Variants in PTPRM observed in about 807,000 individuals in gnomAD.
The protein encoded by PTPRM is receptor-type tyrosine-protein phosphatase mu.
Under a neutral mutation model 186.7 loss-of-function variants are expected in PTPRM, and 47 were observed. The observed-to-expected ratio is 0.25, with a 90% CI of 0.20 to 0.32. The LOEUF is 0.32. PTPRM is among the 10% of genes least tolerant of loss of function. The probability of loss-of-function intolerance (pLI) is 1.00; values close to 1 mark genes in which losing one functional copy is unlikely to be tolerated. For missense variants in PTPRM, 1,494 were observed against 1,865.0 expected (o/e 0.80, Z 3.66); for synonymous variants, 668 against 674.9 (o/e 0.99, Z 0.16).
intron 14 of PTPRM, among the ~76,000 whole-genome samples, chr18:8,238,649 G>GTGTGTGTTTTTTTTTTT (rs1568577854): frequency 1.4e-5 from 1 of 73,650 alleles, no homozygotes; most frequent in African/African-American, 4.2e-5. Context: ...ACTGTTTTGT[G>GTGTGTGTTTTTTTTTTT]TGTTTTTTTT....
chr18:7,914,480 A>G (rs1323468755), intron 4 of PTPRM, among the ~76,000 whole-genome samples: 1 of 152,112 alleles, frequency 6.6e-6, no homozygotes, highest in Non-Finnish European at 1.5e-5. Context: ...CTTTTTTTGG[A>G]CCTATAATCT....
chr18:8,226,162 A>G (rs564797357), intron 14 of PTPRM, among the ~76,000 whole-genome samples: 11 of 152,170 alleles, frequency 7.2e-5, no homozygotes, highest in African/African-American at 2.2e-4. Context: ...AAAAAAATGC[A>G]TCACTCCGTT....
In PTPRM at chr18:7,668,922, C is replaced by T. The variant is rs1178166302; in HGVS notation, c.73+101031C>T. ...CTCTGCTTGAACAGGGGATCTTTGT[C>T]TCTTTTCCTCAATGACATGTGTCAG... On this transcript the variant is annotated intron_variant, in intron 1 of 32. Coordinates refer to ENST00000580170, the MANE Select transcript of PTPRM (RefSeq NM_001105244.2). The surrounding 1 kb of genome is among the most constrained non-coding windows in gnomAD (Gnocchi z 4.7). 6.6e-6 allele frequency among the ~76,000 whole-genome samples: 1 copy of T among 151,920 alleles called. No individual in the cohort carries two copies. Among genetic ancestry groups the T allele is most frequent in the East Asian group, 1.9e-4 (1 of 5,138 alleles).
chr18:7,947,160 G>T (rs978265205), intron 5 of PTPRM, among the ~76,000 whole-genome samples: 4 of 152,182 alleles, frequency 2.6e-5, no homozygotes, highest in South Asian at 2.1e-4. Context: ...TTTGATAGCC[G>T]CTCTGCCTTT....
At chr18:7,906,449 C>A in intron 3 of PTPRM, 56 bp from the exon 4 acceptor site, 1 of 1,364,274 alleles carries the variant, frequency 7.3e-7, no homozygotes, top group Non-Finnish European at 1.0e-6. Context: ...ATAGGAGATA[C>A]TTGGTAAAAG....
Position 7,739,939 on chromosome 18 carries a change from C to T in PTPRM, c.74-34210C>T, listed in dbSNP as rs1012985776. 3.3e-5 allele frequency among the ~76,000 whole-genome samples: 5 copies of T among 152,172 alleles called. 1 individual carries two copies. Among genetic ancestry groups the T allele is most frequent in the Non-Finnish European group, 4.4e-5 (3 of 68,030 alleles). On this transcript the variant is annotated intron_variant, in intron 1 of 32. Coordinates refer to ENST00000580170, the MANE Select transcript of PTPRM (RefSeq NM_001105244.2). ...GTCCTGTATTGACGTGAAAAAATGT[C>T]TTTTGTCTCTACTTAAACTCCAAGG...
At chr18:8,050,120 C>T (rs543161226) in intron 7 of PTPRM, among the ~76,000 whole-genome samples, 1 of 152,312 alleles carries the variant, frequency 6.6e-6, no homozygotes, top group African/African-American at 2.4e-5. Flanking sequence ...TAAAAGGTGG[C>T]TGCCACTGTA....
At chr18:8,175,621 T>A (rs971216632) in intron 14 of PTPRM, among the ~76,000 whole-genome samples, 6 of 152,212 alleles carry the variant, frequency 3.9e-5, no homozygotes, top group Non-Finnish European at 8.8e-5. Context: ...TTTAAAGGCT[T>A]CACCTATGAA....
intron 1 of PTPRM, among the ~76,000 whole-genome samples, chr18:7,731,631 T>C (rs2040661188): frequency 6.6e-6 from 1 of 152,210 alleles, no homozygotes; most frequent in Non-Finnish European, 1.5e-5. Context: ...ATAGCTTTTC[T>C]TTGATCCTAC....
At chr18:8,203,736 G>A (rs1352379532) in intron 14 of PTPRM, among the ~76,000 whole-genome samples, 1 of 152,198 alleles carries the variant, frequency 6.6e-6, no homozygotes, top group Admixed American at 6.5e-5. Flanking sequence ...TCTATAGTGT[G>A]TGTGTGAGAA....
At chr18:8,199,963 G>C (rs1373617704) in intron 14 of PTPRM, among the ~76,000 whole-genome samples, 1 of 152,056 alleles carries the variant, frequency 6.6e-6, no homozygotes, top group African/African-American at 2.4e-5. Context: ...AAATCTTGTT[G>C]TTAAATAATA....
intron 1 of PTPRM, among the ~76,000 whole-genome samples, chr18:7,667,712 A>G (rs1479442441): frequency 1.3e-5 from 2 of 152,220 alleles, no homozygotes; most frequent in African/African-American, 4.8e-5. Context: ...TAAACTATCC[A>G]TAGGCTGATA....
At chr18:8,117,685 A>G (rs1288669457) in intron 13 of PTPRM, among the ~76,000 whole-genome samples, 4 of 152,110 alleles carry the variant, frequency 2.6e-5, no homozygotes, top group Non-Finnish European at 5.9e-5. Flanking sequence ...TTATGCACCT[A>G]GATGAATTTC....
chr18:8,377,131 G>A (rs1481744311), intron 26 of PTPRM: 1 of 152,444 alleles, frequency 6.6e-6, no homozygotes, highest in East Asian at 1.9e-4. Flanking sequence ...GGTATATCGG[G>A]AATTTCCATT....
chr18:8,329,288 A>G (rs2095397730), intron 22 of PTPRM, among the ~76,000 whole-genome samples: 2 of 152,262 alleles, frequency 1.3e-5, no homozygotes, highest in Non-Finnish European at 2.9e-5. Flanking sequence ...AAGCAGAACT[A>G]TATTTAAGTG....
intron 13 of PTPRM, among the ~76,000 whole-genome samples, chr18:8,130,557 G>A (rs1600729711): frequency 1.3e-5 from 2 of 152,192 alleles, no homozygotes; most frequent in Admixed American, 1.3e-4. Context: ...GCTTGCAGTG[G>A]GCCACCTAAG....
At chr18:8,005,758 G>T (rs1474633286) in intron 7 of PTPRM, among the ~76,000 whole-genome samples, 1 of 151,942 alleles carries the variant, frequency 6.6e-6, no homozygotes, top group African/African-American at 2.4e-5. Flanking sequence ...GTTCTCAAAG[G>T]TCATTTTATT....
At chr18:8,139,826 G>A (rs1007252553) in intron 13 of PTPRM, among the ~76,000 whole-genome samples, 1 of 151,872 alleles carries the variant, frequency 6.6e-6, no homozygotes, top group Non-Finnish European at 1.5e-5. Context: ...TCTACAGCTA[G>A]CCTGGCCAGA....
intron 1 of PTPRM, among the ~76,000 whole-genome samples, chr18:7,702,062 T>C (rs1016299866): frequency 9.9e-5 from 15 of 152,190 alleles, no homozygotes; most frequent in African/African-American, 3.4e-4. Flanking sequence ...TGTTCCATGG[T>C]GTATATGTGC....
Sources: allele counts gnomAD v4.1 joint callset (sites outside exome capture counted in the v4.1 genomes callset), GRCh38; gene constraint gnomAD v4.1.1; non-coding constraint Gnocchi (gnomAD v3.1); transcripts MANE v1.5; gene names NCBI Gene and HGNC (gene_info 2026-07-23, HGNC 2026-07-21).